The following HORMAD2 variants were observed in gnomAD, a reference collection of about 807,000 sequenced individuals.
HORMAD2 encodes the protein HORMA domain-containing protein 2.
Under a neutral mutation model 38.8 loss-of-function variants are expected in HORMAD2, and 45 were observed. That is an observed-to-expected ratio of 1.16 (90% CI 0.91 to 1.49). The LOEUF (loss-of-function observed/expected upper bound fraction) is 1.49, where lower values mean the gene tolerates loss of function less well. Among genes scored for constraint, HORMAD2 ranks in the 40% most tolerant of loss-of-function variants. The probability of loss-of-function intolerance (pLI) is 0.00; values close to 1 mark genes in which losing one functional copy is unlikely to be tolerated. For synonymous variants in HORMAD2, 126 were observed against 122.8 expected (o/e 1.03, Z -0.17); for missense variants, 338 against 367.0 (o/e 0.92, Z 0.65).
the HORMAD2 span, among the ~76,000 whole-genome samples, chr22:30,193,656 A>C: frequency 2.0e-5 from 3 of 152,142 alleles, no homozygotes. Context: ...AAGGAACTTG[A>C]TGTGTTTTTG....
At chr22:30,198,398 A>G in the HORMAD2 span, among the ~76,000 whole-genome samples, 2 of 152,140 alleles carry the variant, frequency 1.3e-5, no homozygotes, top group African/African-American at 4.8e-5. Context: ...CTGCTTTCAC[A>G]TTACAGTCAC....
intron 10 of HORMAD2, among the ~76,000 whole-genome samples, chr22:30,136,458 T>C (rs1923661673): frequency 6.6e-6 from 1 of 152,176 alleles, no homozygotes; most frequent in Non-Finnish European, 1.5e-5. Flanking sequence ...TTCACCTTCC[T>C]GTCTTATTTC....
chr22:30,138,124 C>T (rs755643250), intron 10 of HORMAD2, among the ~76,000 whole-genome samples: 1 of 152,058 alleles, frequency 6.6e-6, no homozygotes, highest in Non-Finnish European at 1.5e-5. Flanking sequence ...GTAAGTGGTA[C>T]CTCATTGTGG....
At chr22:30,113,510 T>C (rs566736005) in intron 7 of HORMAD2, among the ~76,000 whole-genome samples, 178 of 152,302 alleles carry the variant, frequency 1.2e-3, no homozygotes, top group South Asian at 5.0e-3. Context: ...AGTGCTGGGA[T>C]TACTGGCATG....
At chr22:30,098,717 AT>A (rs1920925486) in intron 2 of HORMAD2, 134 bp from the exon 3 acceptor site, 2 of 665,608 alleles carry the variant, frequency 3.0e-6, no homozygotes, top group Non-Finnish European at 2.3e-6. Flanking sequence ...TCAAAGCGCT[AT>A]TTCTTTTTGA....
intron 10 of HORMAD2, among the ~76,000 whole-genome samples, chr22:30,131,474 ACTAGAAAT>A: frequency 6.6e-6 from 1 of 152,338 alleles, no homozygotes; most frequent in East Asian, 1.9e-4. Flanking sequence ...TTCTTTTGTA[ACTAGAAAT>A]CTTGATCCAG....
intron 10 of HORMAD2, among the ~76,000 whole-genome samples, chr22:30,148,724 G>A (rs994824937): frequency 6.6e-5 from 10 of 152,082 alleles, no homozygotes; most frequent in Non-Finnish European, 8.8e-5. Flanking sequence ...TTAGACAGGC[G>A]CCAGGCACGG....
chr22:30,130,586 C>CTTTTTTTTTTTTTTTT (rs66636269), intron 10 of HORMAD2, among the ~76,000 whole-genome samples: 1 of 87,912 alleles, frequency 1.1e-5, no homozygotes, highest in Non-Finnish European at 2.3e-5. Context: ...CTTTTCTTTT[C>CTTTTTTTTTTTTTTTT]TTTTTTTTTT....
chr22:30,178,080 CAG>C (rs1169763595), downstream of HORMAD2, among the ~76,000 whole-genome samples: 1 of 152,160 alleles, frequency 6.6e-6, no homozygotes, highest in Non-Finnish European at 1.5e-5. Context: ...TATTTGAACA[CAG>C]AGGAGCTTCA....
At chr22:30,085,145 CAAA>C (rs745529780) in intron 1 of HORMAD2, among the ~76,000 whole-genome samples, 1 of 105,924 alleles carries the variant, frequency 9.4e-6, no homozygotes. Context: ...GACTCCGTCT[CAAA>C]AAAAAAAAAA....
chr22:30,156,158 C>T (rs1925061044), intron 10 of HORMAD2, among the ~76,000 whole-genome samples: 2 of 152,210 alleles, frequency 1.3e-5, no homozygotes. Flanking sequence ...GGCTCTGATA[C>T]AGATGCTTAG....
rs71198531 is a variant in HORMAD2 at position 30,162,318 on chromosome 22, T to TACACACAC, written c.820-13720_820-13713dup. Reference sequence around the variant, plus strand: ...GACAGAGTGAGACCCCGTCTCAAAATACACACACACACACACACACACACA... The same window carrying TACACACAC: ...GACAGAGTGAGACCCCGTCTCAAAATACACACACACACACACACACACACACACACACA... On this transcript the variant is annotated intron_variant, in intron 10 of 10. Transcript: ENST00000336726. Among the ~76,000 whole-genome samples the TACACACAC allele has an allele frequency of 4.7e-3, 689 of 148,066 alleles. 8 individuals are homozygous for TACACACAC. Among genetic ancestry groups the TACACACAC allele is most frequent in the African/African-American group, 0.015 (623 of 40,394 alleles).
chr22:30,148,039 T>G (rs1924525165), intron 10 of HORMAD2, among the ~76,000 whole-genome samples: 1 of 152,244 alleles, frequency 6.6e-6, no homozygotes, highest in African/African-American at 2.4e-5. Context: ...GACCTGTACA[T>G]TAATGTTCAT....
Position 30,117,095 on chromosome 22 carries a change from C to A in HORMAD2, c.343-1885C>A, listed in dbSNP as rs1327243372. On this transcript the variant is annotated intron_variant, in intron 7 of 10. Coordinates refer to ENST00000336726, the MANE Select transcript of HORMAD2 (RefSeq NM_152510.4). Reference sequence around the variant, plus strand: ...TACTTTTATCTTTTAAAATTAACTCCATTACAAATCAATCTCCTTAGAGTT... The same window carrying A: ...TACTTTTATCTTTTAAAATTAACTCAATTACAAATCAATCTCCTTAGAGTT... Among the ~76,000 whole-genome samples, 9 of 152,212 alleles carry A rather than the reference C, an allele frequency of 5.9e-5. No individual in the cohort carries two copies. In the East Asian group the frequency reaches 1.7e-3, roughly 29 times the overall value.
At chr22:30,128,292 T>G (rs1046566648) in intron 10 of HORMAD2, among the ~76,000 whole-genome samples, 1 of 152,194 alleles carries the variant, frequency 6.6e-6, no homozygotes, top group Non-Finnish European at 1.5e-5. Flanking sequence ...GTTTTTATTT[T>G]TATATGTCCC....
rs1338514424 is a variant in HORMAD2, at chr22:30,123,285, GA to G, written c.819+1079del. ...GAAGATATAGCTAACATAGAAAGGG[GA>G]AAAAAAATGAAGGTTAAGAAAAGAA... is the stretch of plus-strand genomic sequence containing the variant. On this transcript the variant is annotated intron_variant, in intron 10 of 10. Transcript: ENST00000336726. 5.3e-5 allele frequency among the ~76,000 whole-genome samples: 8 copies of G among 151,816 alleles called. No homozygotes were observed. The East Asian group carries it at 1.2e-3, about 22-fold the overall frequency.
At chr22:30,189,696 G>A in the HORMAD2 span, among the ~76,000 whole-genome samples, 1 of 152,212 alleles carries the variant, frequency 6.6e-6, no homozygotes, top group East Asian at 1.9e-4. Context: ...CAGCTATAGT[G>A]TCTTATATTT....
At chr22:30,082,596 C>A (rs1318388214) in intron 1 of HORMAD2, among the ~76,000 whole-genome samples, 1 of 151,484 alleles carries the variant, frequency 6.6e-6, no homozygotes, top group Admixed American at 6.6e-5. Context: ...GTGAGACCTC[C>A]CCCTCCACCC....
At chr22:30,083,821 A>G (rs893252360) in intron 1 of HORMAD2, among the ~76,000 whole-genome samples, 2 of 152,142 alleles carry the variant, frequency 1.3e-5, no homozygotes, top group African/African-American at 4.8e-5. Flanking sequence ...TGAAAAAATA[A>G]TTTAGATCTT....
Sources: gnomAD v4.1 joint callset for allele counts (sites outside exome capture counted in the v4.1 genomes callset) on GRCh38, gnomAD v4.1.1 for gene constraint, MANE v1.5 for transcripts, NCBI Gene and HGNC (gene_info 2026-07-23, HGNC 2026-07-21) for gene names.